The following NLRP3 variants were observed in gnomAD, a reference collection of about 807,000 sequenced individuals.
The protein encoded by NLRP3 is NLR family pyrin domain containing 3.
Under a neutral mutation model 91.3 loss-of-function variants are expected in NLRP3, and 48 were observed. That is an observed-to-expected ratio of 0.53 (90% CI 0.42 to 0.67). The LOEUF (loss-of-function observed/expected upper bound fraction) is 0.67, where lower values mean the gene tolerates loss of function less well. Ranked by LOEUF, NLRP3 falls within the 30% of genes least tolerant of loss-of-function variation. The pLI is 0.00. For synonymous variants in NLRP3, 561 were observed against 507.9 expected (o/e 1.10, Z -1.41); for missense variants, 982 against 1,276.9 (o/e 0.77, Z 3.52).
intron 2 of NLRP3, among the ~76,000 whole-genome samples, chr1:247,422,009 AG>A (rs1260018339): frequency 3.9e-5 from 6 of 152,174 alleles, no homozygotes; most frequent in East Asian, 1.9e-4. Flanking sequence ...TTAAAAAAAA[AG>A]AATAAGATTT....
At position 247,423,272 on chromosome 1, in the gene NLRP3, A is replaced by G. The variant is rs759389274; in HGVS notation, c.320A>G (p.Gln107Arg). 3 of 1,611,570 alleles carry G rather than the reference A, an allele frequency of 1.9e-6. No individual in the cohort carries two copies. The highest frequency in any genetic ancestry group is 2.5e-6 in the Non-Finnish European group (3 of 1,178,360). Residue 107 changes from glutamine (Q) to arginine (R), a missense_variant, in exon 3 of 10, where the codon CAG becomes CGG. By Grantham distance (43) the Gln-to-Arg change is conservative. This residue lies in a region of NLRP3 where 548 missense variants were observed against 713.7 expected (regional missense o/e 0.77). Transcript: ENST00000336119. ...GTTTCGAATCCCACTGTGATATGCC[A>G]GGAAGACAGCATTGAAGAGGAGTGG... ...ARVSNPTVIC[Q>R]EDSIEEEWMG...
At chr1:247,441,643 CT>C (rs1664247364) in intron 7 of NLRP3, among the ~76,000 whole-genome samples, 1 of 145,556 alleles carries the variant, frequency 6.9e-6, no homozygotes, top group East Asian at 2.0e-4. Flanking sequence ...AAATGTAGAG[CT>C]CAGTTAGGTG....
chr1:247,440,075 A>G (rs540457245), intron 7 of NLRP3, among the ~76,000 whole-genome samples: 1 of 126,344 alleles, frequency 7.9e-6, no homozygotes, highest in African/African-American at 2.9e-5. Flanking sequence ...GGTATAGCCT[A>G]TGGGTTAGGT....
intron 5 of NLRP3, among the ~76,000 whole-genome samples, chr1:247,431,046 T>C (rs1663281112): frequency 6.6e-6 from 1 of 151,994 alleles, no homozygotes. Flanking sequence ...ATTAATAATG[T>C]GCTTGCTCAC....
At chr1:247,435,179 G>A (rs1218500571) in intron 6 of NLRP3, among the ~76,000 whole-genome samples, 1 of 152,142 alleles carries the variant, frequency 6.6e-6, no homozygotes, top group East Asian at 1.9e-4. Context: ...GAACCTGGGA[G>A]GCGGGGGTTG....
intron 7 of NLRP3, among the ~76,000 whole-genome samples, chr1:247,443,230 CTTAT>C (rs764486396): frequency 5.3e-4 from 81 of 151,998 alleles, no homozygotes; most frequent in Non-Finnish European, 8.5e-4. Flanking sequence ...TGCACCTGGC[CTTAT>C]TTATTTATTT....
chr1:247,424,633 G>A lies in NLRP3; in HGVS notation c.1184G>A (p.Ser395Asn). The change falls in exon 4 of 10, where the codon AGT becomes AAT. Residue 395 changes from serine (S) to asparagine (N), a missense_variant. By Grantham distance (46) the Ser-to-Asn change is conservative. Transcript: ENST00000336119. The surrounding 1 kb of genome is among the most constrained non-coding windows in gnomAD (Gnocchi z 8.1). ...GAGGCCCAAGCCAGGGCAGCCTTCA[G>A]TCTGATTCAGGAGAACGAGGTCCTC... ...SDEAQARAAF[S>N]LIQENEVLFT... is the part of the protein sequence containing the mutation. 1 of 1,614,248 alleles carries A rather than the reference G, an allele frequency of 6.2e-7. No individual in the cohort carries two copies. Among genetic ancestry groups the A allele is most frequent in the South Asian group, 1.1e-5 (1 of 91,092 alleles).
At chr1:247,421,931 C>A (rs1247466513) in intron 2 of NLRP3, among the ~76,000 whole-genome samples, 1 of 152,024 alleles carries the variant, frequency 6.6e-6, no homozygotes, top group African/African-American at 2.4e-5. Context: ...CTCAGGAGTT[C>A]CAGGCTGGAG....
chr1:247,441,113 CTCTCTTTT>C (rs1164215353), intron 7 of NLRP3, among the ~76,000 whole-genome samples: 1 of 117,334 alleles, frequency 8.5e-6, no homozygotes, highest in African/African-American at 3.3e-5. Flanking sequence ...TCCTTTCTTT[CTCTCTTTT>C]TCTTTTTCTC....
At chr1:247,421,378 C>A (rs149129141) in intron 2 of NLRP3, among the ~76,000 whole-genome samples, 24 of 152,196 alleles carry the variant, frequency 1.6e-4, no homozygotes, top group African/African-American at 5.5e-4. Context: ...CCCAGCTACT[C>A]AGGAGGCTAA....
chr1:247,438,378 G>GTTTTTTTTTTTTTT (rs74163772), intron 7 of NLRP3, among the ~76,000 whole-genome samples: 1 of 71,914 alleles, frequency 1.4e-5, no homozygotes, highest in African/African-American at 5.3e-5. Flanking sequence ...GTTTAGTTGT[G>GTTTTTTTTTTTTTT]TTTTTTTTTT....
intron 2 of NLRP3, among the ~76,000 whole-genome samples, chr1:247,419,987 G>C (rs1662338950): frequency 1.3e-5 from 2 of 152,160 alleles, no homozygotes; most frequent in African/African-American, 4.8e-5. Context: ...TTGAAGAACT[G>C]CTCTACTGTT....
Position 247,425,451 on chromosome 1 carries a change from A to C in NLRP3, c.2002A>C (p.Ile668Leu). The C allele has an allele frequency of 6.2e-7, 1 of 1,614,202 alleles. No homozygotes were observed. The highest frequency in any genetic ancestry group is 8.5e-7 in the Non-Finnish European group (1 of 1,180,026). The change falls in exon 4 of 10, where the codon ATT (isoleucine) becomes CTT (leucine). Residue 668 changes from isoleucine to leucine, a missense_variant. Ile to Leu is a conservative substitution (Grantham distance 5). Coordinates refer to ENST00000336119, the MANE Select transcript of NLRP3 (RefSeq NM_001243133.2). The surrounding 1 kb of genome is among the most constrained non-coding windows in gnomAD (Gnocchi z 4.1). ...RMDHMVSSFC[I>L]ENCHRVESLS... ...GGACCACATGGTTTCTTCCTTTTGC[A>C]TTGAGAACTGTCATCGGGTGGAGTC...
At chr1:247,443,899 A>G in intron 7 of NLRP3, 73 bp from the exon 8 acceptor site, 2 of 1,467,492 alleles carry the variant, frequency 1.4e-6, no homozygotes, top group East Asian at 4.6e-5. Context: ...AGGACGAGGC[A>G]CTGAGTCAAA....
At chr1:247,447,341 C>T (rs1271224969) in intron 9 of NLRP3, among the ~76,000 whole-genome samples, 1 of 152,158 alleles carries the variant, frequency 6.6e-6, no homozygotes, top group Non-Finnish European at 1.5e-5. Flanking sequence ...CCTGTAAGGG[C>T]ACTCACCCCA....
chr1:247,445,699 G>A (rs1190366049), intron 9 of NLRP3, among the ~76,000 whole-genome samples: 2 of 152,126 alleles, frequency 1.3e-5, no homozygotes, highest in Admixed American at 6.5e-5. Flanking sequence ...CCCTGAAGAC[G>A]TTTTCACTGC....
chr1:247,426,624 G>T (rs976381238), intron 4 of NLRP3, among the ~76,000 whole-genome samples: 4 of 152,228 alleles, frequency 2.6e-5, no homozygotes, highest in African/African-American at 9.6e-5. Flanking sequence ...GGCCATGAAG[G>T]ACTGACTGCC....
At chr1:247,434,040 C>G in intron 5 of NLRP3, 63 bp from the exon 6 acceptor site, 3 of 1,139,990 alleles carry the variant, frequency 2.6e-6, no homozygotes, top group Non-Finnish European at 3.9e-6. Flanking sequence ...GATGCTTCCT[C>G]TGTTCTGGAG....
intron 7 of NLRP3, among the ~76,000 whole-genome samples, chr1:247,441,157 CTCTT>C (rs1362706167): frequency 9.4e-4 from 131 of 139,128 alleles, no homozygotes; most frequent in East Asian, 1.8e-3. Context: ...CTCTCTCTCT[CTCTT>C]TCTTTCTTTC....
Sources: gnomAD v4.1 joint callset for allele counts (sites outside exome capture counted in the v4.1 genomes callset) on GRCh38, gnomAD v4.1.1 for gene constraint, gnomAD v4.1.1 regional missense constraint, Gnocchi (gnomAD v3.1) non-coding constraint, MANE v1.5 for transcripts, NCBI Gene and HGNC (gene_info 2026-07-23, HGNC 2026-07-21) for gene names.